The following FGF12 variants were observed in gnomAD, a reference collection of about 807,000 sequenced individuals.
FGF12 encodes fibroblast growth factor 12.
Under a neutral mutation model 23.6 loss-of-function variants are expected in FGF12, and 14 were observed. The observed-to-expected ratio is 0.59, with a 90% CI of 0.39 to 0.93. FGF12 has a LOEUF of 0.93. Among genes scored for constraint, FGF12 ranks in the 40% least tolerant of loss-of-function variants. FGF12 has a pLI of 0.00. For synonymous variants in FGF12, 62 were observed against 77.3 expected, an observed-to-expected ratio of 0.80 and a Z score of 1.04; for missense variants, 175 against 217.8, an observed-to-expected ratio of 0.80 and a Z score of 1.24.
intron 2 of FGF12, among the ~76,000 whole-genome samples, chr3:192,635,960 A>G (rs1715567399): frequency 1.3e-5 from 2 of 152,178 alleles, no homozygotes; most frequent in Non-Finnish European, 2.9e-5. Context: ...AAGCACCTCA[A>G]AGATAGAAAT....
At chr3:192,597,303 C>T (rs1317081595) in intron 2 of FGF12, among the ~76,000 whole-genome samples, 1 of 152,104 alleles carries the variant, frequency 6.6e-6, no homozygotes, top group Non-Finnish European at 1.5e-5. Context: ...CGCACCAAAC[C>T]ACAGTATATT....
intron 4 of FGF12, among the ~76,000 whole-genome samples, chr3:192,331,990 A>T (rs1717147155): frequency 6.6e-6 from 1 of 152,148 alleles, no homozygotes; most frequent in Non-Finnish European, 1.5e-5. Flanking sequence ...CTTCACACAC[A>T]AAACAATTAA....
At chr3:192,269,738 A>T (rs1355319642) in intron 4 of FGF12, among the ~76,000 whole-genome samples, 1 of 152,202 alleles carries the variant, frequency 6.6e-6, no homozygotes, top group African/African-American at 2.4e-5. Flanking sequence ...ACCTCTTGGC[A>T]TGTAAACTCA....
chr3:192,635,004 C>T (rs1470911991), intron 2 of FGF12, among the ~76,000 whole-genome samples: 6 of 152,188 alleles, frequency 3.9e-5, no homozygotes, highest in African/African-American at 9.6e-5. Flanking sequence ...GGATTACAGG[C>T]GCGTGCCACC....
intron 4 of FGF12, among the ~76,000 whole-genome samples, chr3:192,329,404 A>G (rs573658334): frequency 1.3e-5 from 2 of 152,216 alleles, no homozygotes; most frequent in Non-Finnish European, 2.9e-5. Flanking sequence ...TATCACATGT[A>G]TCATTCTATC....
intron 4 of FGF12, among the ~76,000 whole-genome samples, chr3:192,271,379 T>C (rs1044577946): frequency 3.3e-5 from 5 of 152,328 alleles, no homozygotes; most frequent in Non-Finnish European, 5.9e-5. Context: ...ACCAGAACTA[T>C]TGTGAATCTG....
At position 192,456,476 on chromosome 3, in the gene FGF12, T is replaced by C. The variant is rs1269731843; in HGVS notation, c.14-95938A>G. 2.0e-5 allele frequency among the ~76,000 whole-genome samples: 3 copies of C among 152,236 alleles called. No homozygotes were observed. In the East Asian group the frequency reaches 5.8e-4, roughly 29 times the overall value. On this transcript the variant is annotated intron_variant, in intron 2 of 5. Transcript: ENST00000445105. ...AGATTAATCTTTTTTATTATAAATGTGATACAGGCTTATTGTAGAAAAAAA... is the reference window on the plus strand; with the variant it reads ...AGATTAATCTTTTTTATTATAAATGCGATACAGGCTTATTGTAGAAAAAAA...
chr3:192,241,733 T>C (rs377742061), intron 4 of FGF12, among the ~76,000 whole-genome samples: 1 of 152,176 alleles, frequency 6.6e-6, no homozygotes, highest in Non-Finnish European at 1.5e-5. Context: ...GATAGTTCCA[T>C]GAGGGAAAGG....
intron 4 of FGF12, among the ~76,000 whole-genome samples, chr3:192,294,600 A>C (rs1373418447): frequency 6.6e-6 from 1 of 152,138 alleles, no homozygotes. Context: ...AATAATTTCT[A>C]CTCTTACAAA....
chr3:192,526,632 C>A (rs1724951918), intron 2 of FGF12, among the ~76,000 whole-genome samples: 1 of 152,126 alleles, frequency 6.6e-6, no homozygotes, highest in South Asian at 2.1e-4. Flanking sequence ...AAAAGTCATT[C>A]ATCATGAAAT....
intron 2 of FGF12, among the ~76,000 whole-genome samples, chr3:192,478,963 C>T (rs1328030701): frequency 6.6e-6 from 1 of 152,148 alleles, no homozygotes; most frequent in Non-Finnish European, 1.5e-5. Flanking sequence ...GCAGAACAGA[C>T]ATCACTAAGG....
chr3:192,717,511 A>T (rs535201877), intron 2 of FGF12, among the ~76,000 whole-genome samples: 5 of 152,316 alleles, frequency 3.3e-5, no homozygotes, highest in South Asian at 4.1e-4. Context: ...CATGAAGAAT[A>T]AAGAGCTTTT....
intron 2 of FGF12, among the ~76,000 whole-genome samples, chr3:192,432,931 CG>C (rs994993319): frequency 6.6e-6 from 1 of 152,080 alleles, no homozygotes; most frequent in African/African-American, 2.4e-5. Flanking sequence ...TGAAGTGAGT[CG>C]GGGTGGTCTG....
chr3:192,358,485 TG>T (rs1187330829), intron 3 of FGF12, among the ~76,000 whole-genome samples: 1 of 152,032 alleles, frequency 6.6e-6, no homozygotes, highest in African/African-American at 2.4e-5. Flanking sequence ...TGTGTGTGTG[TG>T]TGTATGTGGG....
At chr3:192,492,703 A>C (rs1401564025) in intron 2 of FGF12, among the ~76,000 whole-genome samples, 1 of 152,218 alleles carries the variant, frequency 6.6e-6, no homozygotes, top group African/African-American at 2.4e-5. Context: ...TGATTAAAAG[A>C]GAAAGGATCA....
At chr3:192,526,260 T>A (rs1724943966) in intron 2 of FGF12, among the ~76,000 whole-genome samples, 1 of 152,208 alleles carries the variant, frequency 6.6e-6, no homozygotes, top group African/African-American at 2.4e-5. Context: ...TACCTGCGCA[T>A]ATTTCTTAGC....
At chr3:192,481,142 C>T (rs1477945109) in intron 2 of FGF12, among the ~76,000 whole-genome samples, 1 of 152,078 alleles carries the variant, frequency 6.6e-6, no homozygotes, top group Admixed American at 6.6e-5. Context: ...GTTCAGAATA[C>T]TGCATATAAG....
intron 2 of FGF12, 164 bp downstream of exon 2, chr3:192,727,017 C>G (rs969092415): frequency 1.1e-5 from 9 of 799,222 alleles, no homozygotes; most frequent in Non-Finnish European, 1.6e-5. Context: ...AAAAAGAAGT[C>G]GCCTTCCTGC....
chr3:192,166,126 G>A (rs891798974), intron 5 of FGF12, among the ~76,000 whole-genome samples: 1 of 152,186 alleles, frequency 6.6e-6, no homozygotes, highest in Non-Finnish European at 1.5e-5. Context: ...ATTAATGCCT[G>A]ACACAACCTC....
Sources: gnomAD v4.1 joint callset for allele counts (sites outside exome capture counted in the v4.1 genomes callset) on GRCh38, gnomAD v4.1.1 for gene constraint, MANE v1.5 for transcripts, NCBI Gene and HGNC (gene_info 2026-07-23, HGNC 2026-07-21) for gene names.